The following RBM24 variants were observed in gnomAD, a reference collection of about 807,000 sequenced individuals.
RBM24 encodes RNA binding motif protein 24, also known as RNA-binding protein 24.
RBM24 carries 5 observed loss-of-function variants against 23.6 expected under a neutral mutation model. The observed-to-expected ratio is 0.21, with a 90% CI of 0.11 to 0.45. The LOEUF is 0.45. Ranked by LOEUF, RBM24 falls within the 20% of genes least tolerant of loss-of-function variation. The pLI is 0.99. For missense variants in RBM24, 252 were observed against 314.6 expected, an observed-to-expected ratio of 0.80 and a Z score of 1.51; for synonymous variants, 151 against 129.5, an observed-to-expected ratio of 1.17 and a Z score of -1.13.
At position 17,292,237 on chromosome 6, in the gene RBM24, C is replaced by G; in HGVS notation, c.*118C>G. On this transcript the variant is annotated 3_prime_UTR_variant, in exon 4 of 4. Coordinates refer to ENST00000379052, the MANE Select transcript of RBM24 (RefSeq NM_001143942.2). ...AGCTTTAAAAAAAAAAACAGCCATG[C>G]TATTGTGAAGCAGAGTTATTATTTT... is the stretch of plus-strand genomic sequence containing the variant. The G allele has an allele frequency of 1.0e-6, 1 of 973,052 alleles. No individual in the cohort carries two copies. Among genetic ancestry groups the G allele is most frequent in the Non-Finnish European group, 1.5e-6 (1 of 687,388 alleles). 60.3% of individuals were successfully genotyped at this position (973,052 alleles called of 1,614,324 possible).
intron 3 of RBM24, chr6:17,285,231 G>C (rs893748942): frequency 6.6e-6 from 1 of 152,190 alleles, no homozygotes; most frequent in Non-Finnish European, 1.5e-5. Context: ...ATAGCCCTTC[G>C]TGTGCTTTAT....
chr6:17,293,661 T>G lies in RBM24; in HGVS notation c.*1542T>G, dbSNP rs544117770. ...TTTACACTGTATTGGATTTTTATAC[T>G]TGAACAATTTCATACAAGGGAAGAC... On this transcript the variant is annotated 3_prime_UTR_variant, in exon 4 of 4. Transcript: ENST00000379052. The G allele has an allele frequency of 1.3e-5, 2 of 152,764 alleles. No homozygotes were observed. The highest frequency in any genetic ancestry group is 4.8e-5 in the African/African-American group (2 of 41,574). 9.5% of individuals were successfully genotyped at this position (152,764 alleles called of 1,614,324 possible). A position where few individuals can be genotyped will look rare whatever the true frequency, so the allele number is the denominator to read the frequency against.
At chr6:17,284,835 T>C in intron 3 of RBM24, 124 bp downstream of exon 3, 2 of 625,376 alleles carry the variant, frequency 3.2e-6, no homozygotes, top group Non-Finnish European at 5.2e-6. Context: ...ATTTTATATA[T>C]ATTTGTGCAT....
chr6:17,281,919 G>A lies in RBM24; in HGVS notation c.168+170G>A, dbSNP rs2113391935. ...GAAACTTTGCTAGGGGAGAGGGTCG[G>A]CGCCAGCCTCGCGGGGTTCGGAGAA... On this transcript the variant is annotated intron_variant, in intron 1 of 3. Transcript: ENST00000379052. This position sits in a 1 kb window ranked among gnomAD's most constrained non-coding sequence, Gnocchi z 7.1. The A allele has an allele frequency of 7.5e-7, 1 of 1,327,706 alleles. No homozygotes were observed. Among genetic ancestry groups the A allele is most frequent in the Non-Finnish European group, 1.0e-6 (1 of 988,586 alleles). 82.2% of individuals were successfully genotyped at this position (1,327,706 alleles called of 1,614,324 possible).
At chr6:17,290,801 C>T (rs1760334520) in intron 3 of RBM24, 3 of 1,221,680 alleles carry the variant, frequency 2.5e-6, no homozygotes, top group Non-Finnish European at 3.2e-6. Context: ...CTGCCTTTTC[C>T]CTCAACCTCA....
At chr6:17,287,029 G>T (rs1461550390) in intron 3 of RBM24, among the ~76,000 whole-genome samples, 1 of 152,230 alleles carries the variant, frequency 6.6e-6, no homozygotes, top group Non-Finnish European at 1.5e-5. Flanking sequence ...TCTTTATAAA[G>T]GATGGTGATT....
At chr6:17,285,980 A>T (rs985663168) in intron 3 of RBM24, among the ~76,000 whole-genome samples, 5 of 152,140 alleles carry the variant, frequency 3.3e-5, no homozygotes, top group Non-Finnish European at 5.9e-5. Flanking sequence ...TTTCTCCTCT[A>T]GCTTAGGACC....
chr6:17,285,614 A>C (rs983844838), intron 3 of RBM24, among the ~76,000 whole-genome samples: 1 of 152,186 alleles, frequency 6.6e-6, no homozygotes, highest in South Asian at 2.1e-4. Flanking sequence ...CTTTTAGGCC[A>C]TCTAATTTAA....
rs1760028195 is a variant in RBM24, at chr6:17,281,908, G to T, written c.168+159G>T. ...CGGGGTGAACTGAAACTTTGCTAGG[G>T]GAGAGGGTCGGCGCCAGCCTCGCGG... On this transcript the variant is annotated intron_variant, in intron 1 of 3. Coordinates refer to ENST00000379052, the MANE Select transcript of RBM24 (RefSeq NM_001143942.2). This position sits in a 1 kb window ranked among gnomAD's most constrained non-coding sequence, Gnocchi z 7.1. 6.6e-6 allele frequency among the ~76,000 whole-genome samples: 1 copy of T among 152,276 alleles called. No homozygotes were observed. Among genetic ancestry groups the T allele is most frequent in the Non-Finnish European group, 1.5e-5 (1 of 68,014 alleles).
chr6:17,288,627 G>A, intron 3 of RBM24: 1 of 985,428 alleles, frequency 1.0e-6, no homozygotes, highest in Non-Finnish European at 1.2e-6. Flanking sequence ...TAGAGCTAGG[G>A]TGAGTGGGAT....
chr6:17,289,822 C>T, intron 3 of RBM24: 1 of 1,083,794 alleles, frequency 9.2e-7, no homozygotes, highest in Non-Finnish European at 1.1e-6. Flanking sequence ...CACATGTAAA[C>T]TGGCATAAGA....
intron 3 of RBM24, chr6:17,290,906 G>T: frequency 7.8e-7 from 1 of 1,284,260 alleles, no homozygotes; most frequent in Non-Finnish European, 1.0e-6. Context: ...TTGGTTGACC[G>T]TTGTGTCCTT....
intron 3 of RBM24, 128 bp downstream of exon 3, chr6:17,284,839 T>G (rs1760146036): frequency 3.3e-6 from 2 of 613,622 alleles, no homozygotes; most frequent in South Asian, 7.7e-5. Flanking sequence ...TATATATATT[T>G]GTGCATTTTT....
chr6:17,282,694 A>G (rs1760063667), intron 1 of RBM24, 111 bp from the exon 2 acceptor site: 2 of 1,506,600 alleles, frequency 1.3e-6, no homozygotes, highest in East Asian at 2.4e-5. Context: ...GAATAGAAAA[A>G]AAGTTTGATC....
intron 2 of RBM24, among the ~76,000 whole-genome samples, chr6:17,283,629 C>T (rs901474921): frequency 2.0e-5 from 3 of 152,130 alleles, no homozygotes; most frequent in Non-Finnish European, 4.4e-5. Flanking sequence ...GTTGGTCAGG[C>T]TGGTCTTGAA....
intron 3 of RBM24, chr6:17,290,114 C>T (rs1161541038): frequency 7.8e-7 from 1 of 1,282,378 alleles, no homozygotes; most frequent in South Asian, 1.2e-5. Flanking sequence ...GTCCACTACC[C>T]TCTGAGATAA....
chr6:17,284,910 C>G (rs773282644), intron 3 of RBM24, 199 bp downstream of exon 3: 3 of 417,206 alleles, frequency 7.2e-6, no homozygotes, highest in Non-Finnish European at 1.3e-5. Context: ...ATGCAGCCTC[C>G]AAACGAGACA....
At chr6:17,287,322 G>GC (rs1760225249) in intron 3 of RBM24, among the ~76,000 whole-genome samples, 1 of 152,178 alleles carries the variant, frequency 6.6e-6, no homozygotes, top group African/African-American at 2.4e-5. Context: ...TCCTTAAATG[G>GC]CCCCCAGGTG....
chr6:17,287,015 A>G (rs1015456426), intron 3 of RBM24, among the ~76,000 whole-genome samples: 3 of 152,194 alleles, frequency 2.0e-5, no homozygotes, highest in Non-Finnish European at 2.9e-5. Context: ...TCTAATATTA[A>G]CTGTCTTTAT....
Sources: gnomAD v4.1 joint callset for allele counts (sites outside exome capture counted in the v4.1 genomes callset) on GRCh38, gnomAD v4.1.1 for gene constraint, Gnocchi (gnomAD v3.1) non-coding constraint, MANE v1.5 for transcripts, NCBI Gene and HGNC (gene_info 2026-07-23, HGNC 2026-07-21) for gene names.